Variants in COLEC12 observed in about 807,000 individuals in gnomAD.
The protein encoded by COLEC12 is collectin-12.
COLEC12 carries 33 observed loss-of-function variants against 71.1 expected under a neutral mutation model. That is an observed-to-expected ratio of 0.46 (90% confidence interval 0.35 to 0.62). COLEC12 has a LOEUF of 0.62. Among genes scored for constraint, COLEC12 ranks in the 20% least tolerant of loss-of-function variants. The pLI, the probability that COLEC12 is intolerant of heterozygous loss-of-function variation, is 0.00. For synonymous variants in COLEC12, 350 were observed against 353.0 expected (o/e 0.99, Z 0.10); for missense variants, 765 against 916.1 (o/e 0.84, Z 2.13).
intron 1 of COLEC12, among the ~76,000 whole-genome samples, chr18:492,762 C>T (rs991449557): frequency 2.0e-5 from 3 of 151,678 alleles, no homozygotes; most frequent in African/African-American, 7.3e-5. Flanking sequence ...AATCCATTAA[C>T]GTTGTTTAGA....
At chr18:404,704 A>C (rs1022390647) in intron 2 of COLEC12, among the ~76,000 whole-genome samples, 3 of 152,176 alleles carry the variant, frequency 2.0e-5, no homozygotes, top group African/African-American at 7.2e-5. Context: ...TGTTATCTTC[A>C]TAAGCTGAGG....
At chr18:344,973 T>C (rs1914338246) in intron 5 of COLEC12, among the ~76,000 whole-genome samples, 1 of 152,254 alleles carries the variant, frequency 6.6e-6, no homozygotes, top group African/African-American at 2.4e-5. Flanking sequence ...GGATCTGCCT[T>C]CAGCCTCACA....
intron 2 of COLEC12, among the ~76,000 whole-genome samples, chr18:464,960 G>T (rs937826486): frequency 2.0e-5 from 3 of 152,196 alleles, no homozygotes; most frequent in Non-Finnish European, 4.4e-5. Flanking sequence ...GGTTCTAGAC[G>T]CTCCCATCAC....
chr18:409,493 C>T (rs1189761768), intron 2 of COLEC12, among the ~76,000 whole-genome samples: 2 of 152,144 alleles, frequency 1.3e-5, no homozygotes. Flanking sequence ...CCACTGTACT[C>T]CAGCCTGGGC....
intron 2 of COLEC12, among the ~76,000 whole-genome samples, chr18:463,635 T>C (rs1162509109): frequency 3.3e-5 from 5 of 152,238 alleles, no homozygotes; most frequent in Middle Eastern, 3.4e-3. Context: ...AGTGGACAGA[T>C]GCTATCAGTT....
intron 2 of COLEC12, among the ~76,000 whole-genome samples, chr18:431,158 A>C (rs904977492): frequency 2.7e-5 from 4 of 149,556 alleles, no homozygotes; most frequent in Admixed American, 1.3e-4. Flanking sequence ...CACCACACTC[A>C]GCTAATTTTT....
chr18:367,068 T>C (rs530980813), intron 2 of COLEC12, among the ~76,000 whole-genome samples: 2 of 152,312 alleles, frequency 1.3e-5, no homozygotes, highest in East Asian at 3.9e-4. Flanking sequence ...CATTTCTCCA[T>C]TTTGTGGGTC....
intron 5 of COLEC12, among the ~76,000 whole-genome samples, chr18:337,130 C>A (rs1914137251): frequency 6.6e-6 from 1 of 152,076 alleles, no homozygotes. Context: ...ATCGGACTCT[C>A]CAAGTGCTGG....
At chr18:325,068 C>T (rs1913804001) in intron 8 of COLEC12, among the ~76,000 whole-genome samples, 1 of 152,030 alleles carries the variant, frequency 6.6e-6, no homozygotes, top group African/African-American at 2.4e-5. Flanking sequence ...TAGCTGATGC[C>T]AGAAGTCCCA....
intron 2 of COLEC12, among the ~76,000 whole-genome samples, chr18:474,702 G>A (rs1024263154): frequency 1.3e-5 from 2 of 152,202 alleles, no homozygotes; most frequent in Non-Finnish European, 2.9e-5. Flanking sequence ...GCTACTCTGT[G>A]ACTCCCCTTC....
At position 336,718 on chromosome 18, in the gene COLEC12, CT is replaced by C. The variant is rs771300113; in HGVS notation, c.1328-1489del. ...AGAGTAAGACATGGTCAGTCACAAT[CT>C]AGTAGTGGAGCTGGGGCATGAACTC... On this transcript the variant is annotated intron_variant, in intron 5 of 9. Coordinates refer to ENST00000400256, the MANE Select transcript of COLEC12 (RefSeq NM_130386.3). Among the ~76,000 whole-genome samples, 594 of 152,232 alleles carry C rather than the reference CT, an allele frequency of 3.9e-3. 1 individual carries two copies. The highest frequency in any genetic ancestry group is 7.1e-3 in the Non-Finnish European group (484 of 67,998).
At chr18:442,977 T>A (rs768882202) in intron 2 of COLEC12, among the ~76,000 whole-genome samples, 2 of 152,174 alleles carry the variant, frequency 1.3e-5, no homozygotes, top group South Asian at 4.1e-4. Context: ...ATAAATAAAA[T>A]AAAATAAAAG....
Position 406,706 on chromosome 18 carries a change from T to G in COLEC12, c.59-49184A>C, listed in dbSNP as rs374780924. The stretch of plus-strand genomic sequence containing the variant: ...CTCAGGGTCTGGATGGGGACCCTTT[T>G]CCTGTAACAACTGGACTGGAGTCAG... On this transcript the variant is annotated intron_variant, in intron 2 of 9. Coordinates refer to ENST00000400256, the MANE Select transcript of COLEC12 (RefSeq NM_130386.3). Among the ~76,000 whole-genome samples the G allele has an allele frequency of 2.4e-4, 36 of 152,332 alleles. No individual in the cohort carries two copies. In the East Asian group the frequency reaches 6.2e-3, roughly 26 times the overall value.
chr18:427,527 T>G (rs765121197), intron 2 of COLEC12, among the ~76,000 whole-genome samples: 5 of 152,198 alleles, frequency 3.3e-5, no homozygotes, highest in Non-Finnish European at 5.9e-5. Context: ...TCTTTAGAGC[T>G]TCTTCACTGG....
intron 2 of COLEC12, among the ~76,000 whole-genome samples, chr18:458,976 G>A (rs1916925477): frequency 6.6e-6 from 1 of 152,142 alleles, no homozygotes; most frequent in Non-Finnish European, 1.5e-5. Flanking sequence ...CTGGGACCAC[G>A]GACATGCTCC....
chr18:386,103 G>T (rs115884097), intron 2 of COLEC12, among the ~76,000 whole-genome samples: 1,385 of 99,450 alleles, frequency 0.014, 21 homozygotes, highest in African/African-American at 0.043. Context: ...TTTTGTGGGT[G>T]GGGGAGAAGG....
chr18:403,444 T>G (rs1258953074), intron 2 of COLEC12, among the ~76,000 whole-genome samples: 2 of 152,162 alleles, frequency 1.3e-5, no homozygotes, highest in East Asian at 3.9e-4. Context: ...CAGCACCCAT[T>G]TGCTCCTCTT....
intron 5 of COLEC12, among the ~76,000 whole-genome samples, chr18:342,561 T>C (rs1914280424): frequency 6.6e-6 from 1 of 152,242 alleles, no homozygotes; most frequent in Admixed American, 6.5e-5. Context: ...GCTTTATCCA[T>C]CTGCCCTTCA....
At chr18:378,664 T>C (rs936928825) in intron 2 of COLEC12, among the ~76,000 whole-genome samples, 1 of 152,196 alleles carries the variant, frequency 6.6e-6, no homozygotes, top group East Asian at 1.9e-4. Context: ...CCATAGCCTA[T>C]TGTGCTCTCC....
Sources: gnomAD v4.1 joint callset for allele counts (sites outside exome capture counted in the v4.1 genomes callset) on GRCh38, gnomAD v4.1.1 for gene constraint, MANE v1.5 for transcripts, NCBI Gene and HGNC (gene_info 2026-07-23, HGNC 2026-07-21) for gene names.